Variants in KDM4C observed in about 807,000 individuals in gnomAD.
The protein encoded by KDM4C is lysine-specific demethylase 4C.
A neutral mutation model predicts 129.3 loss-of-function variants in KDM4C; 81 were observed. The observed-to-expected ratio is 0.63, with a 90% CI of 0.52 to 0.75. The LOEUF is 0.75. Among genes scored for constraint, KDM4C ranks in the 30% least tolerant of loss-of-function variants. The pLI is 0.00. For synonymous variants in KDM4C, 573 were observed against 456.1 expected (o/e 1.26, Z -3.26); for missense variants, 1,457 against 1,304.0 (o/e 1.12, Z -1.81).
At position 6,801,833 on chromosome 9, in the gene KDM4C, G is replaced by C. The variant is rs552526917; in HGVS notation, c.145-3766G>C. ...AAGAGAGTATCAGTGAGCTGGGCGC[G>C]GTGGCTCATGCCTGTAATCCCAGCA... On this transcript the variant is annotated intron_variant, in intron 2 of 21. Transcript: ENST00000381309. 3.4e-4 allele frequency among the ~76,000 whole-genome samples: 51 copies of C among 152,206 alleles called. 1 individual carries two copies. The highest frequency in any genetic ancestry group is 1.1e-3 in the African/African-American group (44 of 41,550).
chr9:6,921,445 C>G (rs1424207486), intron 8 of KDM4C, among the ~76,000 whole-genome samples: 3 of 152,194 alleles, frequency 2.0e-5, no homozygotes, highest in African/African-American at 7.2e-5. Context: ...GCCAAACACT[C>G]TGGGAGTCAT....
intron 4 of KDM4C, among the ~76,000 whole-genome samples, chr9:6,826,807 C>A (rs1450925579): frequency 6.7e-6 from 1 of 150,102 alleles, no homozygotes; most frequent in East Asian, 1.9e-4. Flanking sequence ...GTAGAGGTTG[C>A]AATGAGCTGA....
At chr9:6,768,336 G>T (rs975205140) in intron 1 of KDM4C, among the ~76,000 whole-genome samples, 2 of 146,906 alleles carry the variant, frequency 1.4e-5, no homozygotes, top group African/African-American at 5.2e-5. Context: ...TGCTGAACAG[G>T]ATTTTTTTTT....
chr9:7,169,957 C>G (rs1469539893), intron 21 of KDM4C, 67 bp downstream of exon 21: 2 of 1,607,380 alleles, frequency 1.2e-6, no homozygotes, highest in African/African-American at 2.7e-5. Context: ...TCATGTTTCC[C>G]AAGCCCAGCA....
Position 6,737,984 on chromosome 9 carries a change from A to C in KDM4C, c.49+16987A>C, listed in dbSNP as rs1198566823. Among the ~76,000 whole-genome samples the C allele has an allele frequency of 2.0e-5, 3 of 151,018 alleles. No homozygotes were observed. In the East Asian group the frequency reaches 5.9e-4, roughly 30 times the overall value. Reference sequence around the variant, plus strand: ...CCCATCTCTACTAAAAATACCAACAATTTGCTGGGCATGGTGGCAGGTGCC... The same window carrying C: ...CCCATCTCTACTAAAAATACCAACACTTTGCTGGGCATGGTGGCAGGTGCC... On this transcript the variant is annotated intron_variant, in intron 1 of 17. Coordinates refer to the KDM4C transcript ENST00000536108.
intron 6 of KDM4C, among the ~76,000 whole-genome samples, chr9:6,885,830 A>T (rs1845179984): frequency 6.6e-6 from 1 of 152,190 alleles, no homozygotes; most frequent in African/African-American, 2.4e-5. Flanking sequence ...CATATTGTAA[A>T]TATAAATTCT....
At chr9:6,946,888 T>A (rs1827071834) in intron 8 of KDM4C, among the ~76,000 whole-genome samples, 1 of 152,138 alleles carries the variant, frequency 6.6e-6, no homozygotes, top group Admixed American at 6.5e-5. Flanking sequence ...TTATTATTTA[T>A]AAATTAAAAT....
rs540728258 is a variant in KDM4C, at chr9:6,947,571, A to T, written c.922-33354A>T. ...CATTTAGATTTTTAAAAATTTTATA[A>T]TTTTTTTGTAAACCCATCTAGTATT... On this transcript the variant is annotated intron_variant, in intron 8 of 21. Coordinates refer to ENST00000381309, the MANE Select transcript of KDM4C (RefSeq NM_015061.6). Among the ~76,000 whole-genome samples the T allele has an allele frequency of 3.2e-4, 49 of 151,812 alleles. No individual in the cohort carries two copies. In the Middle Eastern group the frequency reaches 0.02, roughly 63 times the overall value.
rs73403553 is a variant in KDM4C at position 7,060,212 on chromosome 9, C to T, written c.2424+11012C>T. 6.4e-3 allele frequency among the ~76,000 whole-genome samples: 963 copies of T among 149,622 alleles called. 12 individuals carry two copies. Among genetic ancestry groups the T allele is most frequent in the African/African-American group, 0.022 (902 of 41,088 alleles). Reference sequence around the variant, plus strand: ...CTTGTTCCTTATTTTATGTCATTGTCATGTTTTTTTTTTTTTCTTCTTCTT... The same window carrying T: ...CTTGTTCCTTATTTTATGTCATTGTTATGTTTTTTTTTTTTTCTTCTTCTT... On this transcript the variant is annotated intron_variant, in intron 17 of 21. Coordinates refer to ENST00000381309, the MANE Select transcript of KDM4C (RefSeq NM_015061.6).
chr9:7,003,228 G>A (rs1361869201), intron 12 of KDM4C, among the ~76,000 whole-genome samples: 1 of 152,122 alleles, frequency 6.6e-6, no homozygotes, highest in East Asian at 1.9e-4. Context: ...AGTTGAAGTG[G>A]ACACATATAA....
At chr9:7,006,235 C>G (rs1821648076) in intron 12 of KDM4C, among the ~76,000 whole-genome samples, 1 of 152,156 alleles carries the variant, frequency 6.6e-6, no homozygotes, top group African/African-American at 2.4e-5. Flanking sequence ...TGAATTTCAG[C>G]AAGCCTGACT....
At chr9:6,757,072 C>A (rs188007553), upstream of KDM4C, among the ~76,000 whole-genome samples, 2 of 152,286 alleles carry the variant, frequency 1.3e-5, no homozygotes, top group East Asian at 3.9e-4. Context: ...TGCAAAACAT[C>A]TGATGCTCAA....
chr9:7,021,970 T>C (rs1308695816), intron 15 of KDM4C, among the ~76,000 whole-genome samples: 4 of 152,198 alleles, frequency 2.6e-5, no homozygotes, highest in Admixed American at 1.3e-4. Context: ...ACTGTAGATG[T>C]ATGGATTTAC....
chr9:7,044,016 A>G (rs1829007220), intron 15 of KDM4C, among the ~76,000 whole-genome samples: 1 of 152,062 alleles, frequency 6.6e-6, no homozygotes, highest in African/African-American at 2.4e-5. Flanking sequence ...GAGTAAGAGC[A>G]ATTAACCTGA....
At chr9:7,122,160 A>G (rs1480072350) in intron 18 of KDM4C, among the ~76,000 whole-genome samples, 1 of 152,078 alleles carries the variant, frequency 6.6e-6, no homozygotes, top group Non-Finnish European at 1.5e-5. Context: ...CAGAAAACCT[A>G]CAATCATGGC....
intron 8 of KDM4C, among the ~76,000 whole-genome samples, chr9:6,959,199 C>T (rs894385780): frequency 6.6e-6 from 1 of 152,170 alleles, no homozygotes; most frequent in African/African-American, 2.4e-5. Flanking sequence ...CACTAGAGAG[C>T]CCAGTTTTCT....
chr9:7,120,078 G>A (rs892456772), intron 18 of KDM4C, among the ~76,000 whole-genome samples: 10 of 151,790 alleles, frequency 6.6e-5, no homozygotes, highest in African/African-American at 2.4e-4. Flanking sequence ...GCTCTTCCTC[G>A]TGGCATTGAT....
At chr9:6,734,233 C>T (rs1817447638) in intron 1 of KDM4C, among the ~76,000 whole-genome samples, 1 of 150,662 alleles carries the variant, frequency 6.6e-6, no homozygotes, top group Admixed American at 6.6e-5. Context: ...AGGCTGCTAC[C>T]TGGATAAGTG....
intron 4 of KDM4C, among the ~76,000 whole-genome samples, chr9:6,848,495 C>T (rs1037094676): frequency 6.6e-6 from 1 of 152,070 alleles, no homozygotes; most frequent in Non-Finnish European, 1.5e-5. Flanking sequence ...GGCGAAACTC[C>T]TGTCTCTACT....
Sources: gnomAD v4.1 joint callset for allele counts (sites outside exome capture counted in the v4.1 genomes callset) on GRCh38, gnomAD v4.1.1 for gene constraint, MANE v1.5 for transcripts, NCBI Gene and HGNC (gene_info 2026-07-23, HGNC 2026-07-21) for gene names.